KCNH5: variants seen among roughly 807,000 people sequenced by gnomAD.
KCNH5 encodes the protein voltage-gated delayed rectifier potassium channel KCNH5.
KCNH5 carries 46 observed loss-of-function variants against 96.1 expected under a neutral mutation model. That is an observed-to-expected ratio of 0.48 (90% confidence interval 0.38 to 0.61). The LOEUF (loss-of-function observed/expected upper bound fraction) is 0.61, where lower values mean the gene tolerates loss of function less well. KCNH5 is among the 20% of genes least tolerant of loss of function. KCNH5 has a pLI of 0.00. For missense variants in KCNH5, 907 were observed against 1,225.8 expected (o/e 0.74, Z 3.88); for synonymous variants, 439 against 449.8 (o/e 0.98, Z 0.30).
At chr14:62,917,463 C>T (rs1470724841) in intron 7 of KCNH5, among the ~76,000 whole-genome samples, 2 of 151,862 alleles carry the variant, frequency 1.3e-5, no homozygotes, top group Non-Finnish European at 2.9e-5. Flanking sequence ...ATCCATATAC[C>T]TCTTTATTAG....
At chr14:62,867,019 T>G (rs1021771412) in intron 7 of KCNH5, among the ~76,000 whole-genome samples, 9 of 152,124 alleles carry the variant, frequency 5.9e-5, no homozygotes, top group African/African-American at 2.2e-4. Flanking sequence ...TAAATGTGGA[T>G]CTACCATTTA....
At chr14:62,964,236 T>C (rs1890264602) in intron 6 of KCNH5, among the ~76,000 whole-genome samples, 1 of 152,124 alleles carries the variant, frequency 6.6e-6, no homozygotes, top group Admixed American at 6.6e-5. Flanking sequence ...AAGGTACCAC[T>C]GTTATTTGTG....
chr14:63,002,701 G>A (rs1236487478), intron 3 of KCNH5, among the ~76,000 whole-genome samples: 1 of 152,158 alleles, frequency 6.6e-6, no homozygotes, highest in Non-Finnish European at 1.5e-5. Flanking sequence ...TAGACAGGAT[G>A]AGATAACTAC....
chr14:62,896,983 C>T (rs922679369), intron 7 of KCNH5, among the ~76,000 whole-genome samples: 1 of 152,300 alleles, frequency 6.6e-6, no homozygotes, highest in Middle Eastern at 3.4e-3. Context: ...CAGCCTGCCT[C>T]TCTTTAAAAC....
intron 8 of KCNH5, among the ~76,000 whole-genome samples, chr14:62,814,720 T>C (rs1886939274): frequency 7.5e-6 from 1 of 133,650 alleles, no homozygotes; most frequent in African/African-American, 2.8e-5. Context: ...GAGGTGGAGG[T>C]TGCAGTGAAC....
At chr14:62,741,995 A>G (rs1172292112) in intron 10 of KCNH5, among the ~76,000 whole-genome samples, 1 of 152,164 alleles carries the variant, frequency 6.6e-6, no homozygotes, top group Non-Finnish European at 1.5e-5. Flanking sequence ...TACAATCTTG[A>G]TGATCCACTT....
chr14:62,829,487 C>A (rs181491037), intron 8 of KCNH5, among the ~76,000 whole-genome samples: 57 of 152,318 alleles, frequency 3.7e-4, no homozygotes, highest in Non-Finnish European at 1.8e-4. Flanking sequence ...CTTATGTGCA[C>A]CCACAGGCCC....
chr14:62,725,029 G>A (rs1037768180), intron 10 of KCNH5, among the ~76,000 whole-genome samples: 1 of 152,018 alleles, frequency 6.6e-6, no homozygotes, highest in Admixed American at 6.5e-5. Flanking sequence ...CATTATTGAG[G>A]CATGAAAAAT....
At chr14:62,878,204 G>GC (rs1456994364) in intron 7 of KCNH5, among the ~76,000 whole-genome samples, 8 of 145,950 alleles carry the variant, frequency 5.5e-5, no homozygotes, top group African/African-American at 2.1e-4. Context: ...GTGGGGATGG[G>GC]GGGGGGGGCG....
intron 1 of KCNH5, among the ~76,000 whole-genome samples, chr14:63,032,101 C>CAAAA (rs33955186): frequency 1.1e-5 from 1 of 87,542 alleles, no homozygotes; most frequent in Non-Finnish European, 2.6e-5. Context: ...AAGGACTTCA[C>CAAAA]AAAAAAAAAA....
chr14:62,835,472 G>A (rs1043749825), intron 8 of KCNH5, among the ~76,000 whole-genome samples: 4 of 152,030 alleles, frequency 2.6e-5, no homozygotes, highest in African/African-American at 9.6e-5. Flanking sequence ...GAAATTCATT[G>A]CTCCTCCATG....
intron 7 of KCNH5, among the ~76,000 whole-genome samples, chr14:62,908,386 T>C (rs897446102): frequency 3.5e-4 from 54 of 152,170 alleles, no homozygotes; most frequent in African/African-American, 1.3e-3. Flanking sequence ...TTCACCCGCC[T>C]ACTCAGTAAC....
intron 8 of KCNH5, among the ~76,000 whole-genome samples, chr14:62,842,892 T>C (rs77426272): frequency 0.11 from 16,369 of 152,168 alleles, 1,109 homozygotes; most frequent in East Asian, 0.29. Flanking sequence ...TACATATATG[T>C]AAATTGTAAA....
In KCNH5 at chr14:63,016,720, T is replaced by C. The variant is rs181386965; in HGVS notation, c.197+111A>G. On this transcript the variant is annotated intron_variant, in intron 2 of 10. Coordinates refer to ENST00000322893, the MANE Select transcript of KCNH5 (RefSeq NM_139318.5). ...TAGTCTCCCTAATATTCTAACATAA[T>C]TTTTAACTCTATGGTTTGTATATGG... The C allele has an allele frequency of 8.3e-4, 850 of 1,030,036 alleles. 4 individuals carry two copies. Among genetic ancestry groups the C allele is most frequent in the Admixed American group, 1.9e-3 (67 of 34,924 alleles). 63.8% of individuals were successfully genotyped at this position (1,030,036 alleles called of 1,614,324 possible). A position where few individuals can be genotyped will look rare whatever the true frequency, so the allele number is the denominator to read the frequency against.
intron 10 of KCNH5, among the ~76,000 whole-genome samples, chr14:62,773,259 T>C (rs537714449): frequency 2.0e-5 from 3 of 152,286 alleles, no homozygotes; most frequent in Non-Finnish European, 4.4e-5. Context: ...CTAAAGAAAA[T>C]AAAATGAAAT....
At chr14:62,844,471 T>G (rs1165888610) in intron 8 of KCNH5, among the ~76,000 whole-genome samples, 1 of 152,192 alleles carries the variant, frequency 6.6e-6, no homozygotes, top group East Asian at 1.9e-4. Context: ...TTTGTTGAGC[T>G]TCAACCATCA....
At chr14:62,780,694 A>G (rs780499454) in intron 9 of KCNH5, among the ~76,000 whole-genome samples, 3 of 152,222 alleles carry the variant, frequency 2.0e-5, no homozygotes, top group Non-Finnish European at 4.4e-5. Flanking sequence ...TCAACCATTT[A>G]TCATTTGAAA....
In KCNH5 at chr14:63,006,371, T is replaced by C; in HGVS notation, c.299A>G (p.Lys100Arg). ...SNCFEVLLYKKNRTPVWFYMQ... is the reference protein window; with the variant it reads ...SNCFEVLLYKRNRTPVWFYMQ... ...TTAATAATTGAGATACCTACTGTTTTTCTTGTACAGAAGAACTTCAAAGCA... is the reference window on the plus strand; with the variant it reads ...TTAATAATTGAGATACCTACTGTTTCTCTTGTACAGAAGAACTTCAAAGCA... Residue 100 changes from lysine (K) to arginine (R), a missense_variant, in exon 3 of 11, where the codon AAA (lysine) becomes AGA (arginine). Transcript: ENST00000322893. The C allele has an allele frequency of 6.2e-7, 1 of 1,600,820 alleles. No homozygotes were observed. The highest frequency in any genetic ancestry group is 1.3e-5 in the African/African-American group (1 of 74,760).
chr14:62,718,644 A>G (rs1884738419), intron 10 of KCNH5, among the ~76,000 whole-genome samples: 1 of 152,208 alleles, frequency 6.6e-6, no homozygotes. Context: ...TGTGGAAAAC[A>G]GCTTGGCAGT....
Sources: gnomAD v4.1 joint callset for allele counts (sites outside exome capture counted in the v4.1 genomes callset) on GRCh38, gnomAD v4.1.1 for gene constraint, MANE v1.5 for transcripts, NCBI Gene and HGNC (gene_info 2026-07-23, HGNC 2026-07-21) for gene names.